The following ADCY5 variants were observed in gnomAD, a reference collection of about 807,000 sequenced individuals.
ADCY5 encodes the protein adenylate cyclase type 5.
A neutral mutation model predicts 119.7 loss-of-function variants in ADCY5; 30 were observed. The ratio of observed to expected loss-of-function variants is 0.25; its 90% CI spans 0.19 to 0.34. The LOEUF (loss-of-function observed/expected upper bound fraction) is 0.34. Ranked by LOEUF, ADCY5 falls within the 10% of genes least tolerant of loss-of-function variation. The probability of loss-of-function intolerance (pLI) is 1.00; values close to 1 mark genes in which losing one functional copy is unlikely to be tolerated. For missense variants in ADCY5, 1,324 were observed against 1,775.2 expected, an observed-to-expected ratio of 0.75 and a Z score of 4.57; for synonymous variants, 753 against 762.2, an observed-to-expected ratio of 0.99 and a Z score of 0.20.
chr3:123,387,350 C>G (rs1183322644), intron 1 of ADCY5, among the ~76,000 whole-genome samples: 1 of 152,178 alleles, frequency 6.6e-6, no homozygotes, highest in Non-Finnish European at 1.5e-5. Context: ...TGAGCCTAGA[C>G]TCTGAGACCT....
chr3:123,347,919 C>A lies in ADCY5; in HGVS notation c.1285-16G>T, dbSNP rs1942633072. 6.2e-7 allele frequency: 1 copy of A among 1,614,074 alleles called. No individual in the cohort carries two copies. The highest frequency in any genetic ancestry group is 8.5e-7 in the Non-Finnish European group (1 of 1,179,988). On this transcript the variant is annotated splice_polypyrimidine_tract_variant and intron_variant, in intron 2 of 20. Coordinates refer to ENST00000462833, the MANE Select transcript of ADCY5 (RefSeq NM_183357.3). ...GGAGCCGTTCCTGCAGAGGGAAGCA[C>A]ATGCTTTCATCACCACGCCTTCTAC...
chr3:123,350,049 G>C (rs955957150), intron 2 of ADCY5, among the ~76,000 whole-genome samples: 11 of 152,184 alleles, frequency 7.2e-5, no homozygotes, highest in African/African-American at 2.4e-4. Flanking sequence ...ACTCCAGATA[G>C]AGCAGAACAC....
intron 10 of ADCY5, among the ~76,000 whole-genome samples, chr3:123,318,827 C>T (rs1454156504): frequency 2.6e-5 from 4 of 152,178 alleles, no homozygotes. Context: ...CCAGCTCTGT[C>T]ACTACTTCAC....
chr3:123,289,189 ATGT>A (rs549402534), intron 19 of ADCY5, among the ~76,000 whole-genome samples: 16 of 152,298 alleles, frequency 1.1e-4, no homozygotes, highest in African/African-American at 1.4e-4. Context: ...TACATGTTTG[ATGT>A]TGTTCTACAT....
At chr3:123,393,248 T>C (rs543596280) in intron 1 of ADCY5, among the ~76,000 whole-genome samples, 14 of 152,276 alleles carry the variant, frequency 9.2e-5, no homozygotes, top group Middle Eastern at 3.4e-3. Flanking sequence ...CCCTGTGTCC[T>C]CATCAATAAA....
intron 1 of ADCY5, among the ~76,000 whole-genome samples, chr3:123,371,218 T>G (rs2107531923): frequency 6.6e-6 from 1 of 152,302 alleles, no homozygotes; most frequent in Middle Eastern, 3.4e-3. Context: ...GTTCACATCC[T>G]TTTTCCCCTG....
intron 3 of ADCY5, among the ~76,000 whole-genome samples, chr3:123,346,525 G>A (rs1942559632): frequency 6.6e-6 from 1 of 152,062 alleles, no homozygotes; most frequent in South Asian, 2.1e-4. Flanking sequence ...TCGGATCCCA[G>A]GGCAGACTTG....
chr3:123,381,718 G>T (rs549102742), intron 1 of ADCY5, among the ~76,000 whole-genome samples: 1 of 152,124 alleles, frequency 6.6e-6, no homozygotes, highest in South Asian at 2.1e-4. Flanking sequence ...CACATCTCCC[G>T]CTGGCTTCCA....
intron 1 of ADCY5, among the ~76,000 whole-genome samples, chr3:123,439,076 C>CTTTTTTTTTTTTTTTT (rs57503913): frequency 0.54 from 34,784 of 64,116 alleles, 14,753 homozygotes; most frequent in East Asian, 0.74. Context: ...CCCTAAAGTG[C>CTTTTTTTTTTTTTTTT]TTTTTTTTTT....
chr3:123,346,887 CTGTATCGCTTCG>C (rs2108477067), intron 3 of ADCY5, among the ~76,000 whole-genome samples: 1 of 152,274 alleles, frequency 6.6e-6, no homozygotes, highest in African/African-American at 2.4e-5. Context: ...ATGAAGGCCA[CTGTATCGCTTCG>C]TGTCCCCGTG....
At chr3:123,296,283 C>T in intron 16 of ADCY5, 67 bp from the exon 17 acceptor site, 2 of 1,524,884 alleles carry the variant, frequency 1.3e-6, no homozygotes, top group Non-Finnish European at 8.9e-7. Context: ...GAGGACCCCA[C>T]CCCCACCCAC....
chr3:123,348,035 C>CTGTG, intron 2 of ADCY5, 132 bp from the exon 3 acceptor site: 1 of 448,238 alleles, frequency 2.2e-6, no homozygotes, highest in African/African-American at 6.7e-5. Flanking sequence ...CCTGGGTTAA[C>CTGTG]AGTGTGTGTG....
At chr3:123,376,859 CT>C (rs772572205) in intron 1 of ADCY5, among the ~76,000 whole-genome samples, 2 of 152,186 alleles carry the variant, frequency 1.3e-5, no homozygotes, top group Non-Finnish European at 2.9e-5. Flanking sequence ...ACAATAGTTC[CT>C]TTCTCCACTA....
In ADCY5 at chr3:123,297,011, T is replaced by C. The variant is rs1478349918; in HGVS notation, c.2930+342A>G. 5 of 1,535,940 alleles carry C rather than the reference T, an allele frequency of 3.3e-6. No homozygotes were observed. In the Admixed American group the frequency reaches 9.8e-5, roughly 30 times the overall value. On this transcript the variant is annotated intron_variant, in intron 16 of 20. Coordinates refer to ENST00000462833, the MANE Select transcript of ADCY5 (RefSeq NM_183357.3). ...TCCTTGACTCCAGAGGGAAAGTAGG[T>C]ACCAGCTTCCATTCTCCTGTGTCTG...
At chr3:123,414,044 GA>G (rs1945127594) in intron 1 of ADCY5, among the ~76,000 whole-genome samples, 1 of 152,186 alleles carries the variant, frequency 6.6e-6, no homozygotes. Context: ...GGAGGAGGGA[GA>G]GAGACTGAGA....
intron 1 of ADCY5, among the ~76,000 whole-genome samples, chr3:123,375,182 C>T (rs932184975): frequency 6.6e-5 from 10 of 152,182 alleles, no homozygotes; most frequent in Admixed American, 5.2e-4. Flanking sequence ...TGGTTAGTGT[C>T]GGCTCACTGC....
chr3:123,294,526 G>A (rs148309359), intron 17 of ADCY5, among the ~76,000 whole-genome samples: 3 of 152,348 alleles, frequency 2.0e-5, no homozygotes, highest in Non-Finnish European at 4.4e-5. Flanking sequence ...AGGGGTGCCC[G>A]GCTCCATTTC....
chr3:123,303,045 C>T lies in ADCY5; in HGVS notation c.2724+10G>A, dbSNP rs1177910111. The T allele has an allele frequency of 4.3e-6, 7 of 1,612,918 alleles. No homozygotes were observed. The Admixed American group carries it at 1.0e-4, about 23-fold the overall frequency. ...TCAGCACTCCCTTCCAGCCCCTGTG[C>T]ACCCAGTACCTCGGGGAAGTTGCAG... is the stretch of plus-strand genomic sequence containing the variant. On this transcript the variant is annotated intron_variant, in intron 14 of 20. Coordinates refer to ENST00000462833, the MANE Select transcript of ADCY5 (RefSeq NM_183357.3).
At chr3:123,366,175 A>G (rs558892924) in intron 1 of ADCY5, among the ~76,000 whole-genome samples, 5 of 152,314 alleles carry the variant, frequency 3.3e-5, no homozygotes, top group African/African-American at 1.2e-4. Context: ...TTTTTGGCCC[A>G]CTGGAATAGC....
Sources: allele counts gnomAD v4.1 joint callset (sites outside exome capture counted in the v4.1 genomes callset), GRCh38; gene constraint gnomAD v4.1.1; transcripts MANE v1.5; gene names NCBI Gene and HGNC (gene_info 2026-07-23, HGNC 2026-07-21).